MGAT4B: variants seen among roughly 807,000 people sequenced by gnomAD.
MGAT4B encodes the protein N-acetylglucosaminyltransferase IVb.
Under a neutral mutation model 73.9 loss-of-function variants are expected in MGAT4B, and 38 were observed. The observed-to-expected ratio is 0.51, with a 90% CI of 0.40 to 0.67. The LOEUF is 0.67. MGAT4B is among the 30% of genes least tolerant of loss of function. The probability of loss-of-function intolerance (pLI) is 0.00; values close to 1 mark genes in which losing one functional copy is unlikely to be tolerated. For missense variants in MGAT4B, 686 were observed against 735.2 expected (o/e 0.93, Z 0.77); for synonymous variants, 373 against 313.5 (o/e 1.19, Z -2.01).
intron 1 of MGAT4B, chr5:179,805,322 G>A (rs989653250): frequency 7.2e-5 from 11 of 152,308 alleles, no homozygotes; most frequent in African/African-American, 2.4e-4. Flanking sequence ...CCCTGCCAAG[G>A]ACCCAGAATG....
Position 179,806,486 on chromosome 5 carries a change from C to T in MGAT4B, c.97+1G>A. On this transcript the variant is annotated splice_donor_variant, in intron 1 of 14. Transcript: ENST00000292591. LOFTEE classifies it high-confidence loss of function. This position sits in a 1 kb window ranked among gnomAD's most constrained non-coding sequence, Gnocchi z 4.6. ...GCGGGCCGGGCGGGGGTCGCGCTCA[C>T]CTTTCTGGCCGCTGAGTGCCGCGTA... The T allele has an allele frequency of 7.7e-7, 1 of 1,302,502 alleles. No homozygotes were observed. Among genetic ancestry groups the T allele is most frequent in the Non-Finnish European group, 1.0e-6 (1 of 999,414 alleles). 80.7% of individuals were successfully genotyped at this position (1,302,502 alleles called of 1,614,324 possible).
At position 179,799,600 on chromosome 5, in the gene MGAT4B, A is replaced by G; in HGVS notation, c.947T>C (p.Val316Ala). Residue 316 changes from valine to alanine, a missense_variant, in exon 9 of 15, where the codon GTA (valine) becomes GCA (alanine). Val to Ala is a moderately conservative substitution (Grantham distance 64, BLOSUM62 0). Around this residue, in one of 2 missense-constraint regions of MGAT4B, gnomAD observed 449 missense variants for 536.8 expected, o/e 0.84. Coordinates refer to ENST00000292591, the MANE Select transcript of MGAT4B (RefSeq NM_014275.5). The stretch of plus-strand genomic sequence containing the variant: ...CCGGTAGAACATGAGAATGAACTCT[A>G]CAATCAGGCTCAGGTCCAGCGACTT... ...MFKSLDLSLI[V>A]EFILMFYRDK... The G allele has an allele frequency of 6.2e-7, 1 of 1,613,904 alleles. No individual in the cohort carries two copies. The highest frequency in any genetic ancestry group is 8.5e-7 in the Non-Finnish European group (1 of 1,180,028).
intron 1 of MGAT4B, chr5:179,804,968 C>T (rs905325901): frequency 6.6e-6 from 1 of 152,270 alleles, no homozygotes; most frequent in African/African-American, 2.4e-5. Context: ...CTTCTATCCC[C>T]TAGGGGCTGG....
In MGAT4B at chr5:179,801,628, T is replaced by C; in HGVS notation, c.350A>G (p.His117Arg). The change falls in exon 3 of 15, where the codon CAT (histidine) becomes CGT (arginine). Residue 117 changes from histidine to arginine, a missense_variant. Around this residue, in one of 2 missense-constraint regions of MGAT4B, gnomAD observed 237 missense variants for 198.5 expected, o/e 1.19. Transcript: ENST00000292591. This position sits in a 1 kb window ranked among gnomAD's most constrained non-coding sequence, Gnocchi z 4.8. Reference sequence around the variant, plus strand: ...CTTGGCCAGCAGGTGTGGCAGGTGATGGAAGACGGTGGGCAGGTGCAGCAC... The same window carrying C: ...CTTGGCCAGCAGGTGTGGCAGGTGACGGAAGACGGTGGGCAGGTGCAGCAC... ...RHVLHLPTVF[H>R]HLPHLLAKES... The C allele has an allele frequency of 1.9e-6, 3 of 1,605,810 alleles. No homozygotes were observed. The highest frequency in any genetic ancestry group is 2.5e-6 in the Non-Finnish European group (3 of 1,177,874).
At position 179,800,146 on chromosome 5, in the gene MGAT4B, G is replaced by A. The variant is rs111554583; in HGVS notation, c.795+38C>T. 4.4e-4 allele frequency: 704 copies of A among 1,610,298 alleles called. 1 individual carries two copies. The highest frequency in any genetic ancestry group is 3.0e-3 in the Middle Eastern group (18 of 6,046). Reference sequence around the variant, plus strand: ...CAGACCCATCGCAGGGCAGGGCGGCGCAGGGCAGGGCAGGGCAACGCAGGG... The same window carrying A: ...CAGACCCATCGCAGGGCAGGGCGGCACAGGGCAGGGCAGGGCAACGCAGGG... On this transcript the variant is annotated intron_variant, in intron 7 of 14. Transcript: ENST00000292591.
rs551819018 is a variant in MGAT4B at position 179,802,570 on chromosome 5, A to G, written c.98-601T>C. 14 of 994,414 alleles carry G rather than the reference A, an allele frequency of 1.4e-5. No homozygotes were observed. The East Asian group carries it at 1.4e-3, about 102-fold the overall frequency. 61.6% of individuals were successfully genotyped at this position (994,414 alleles called of 1,614,324 possible). A position where few individuals can be genotyped will look rare whatever the true frequency, so the allele number is the denominator to read the frequency against. ...GGGCTGCTCAAGGACAGTCAACAGC[A>G]GCGAGGGGACTAGCTCTGAACGCCC... On this transcript the variant is annotated intron_variant, in intron 1 of 14. Transcript: ENST00000292591.
intron 1 of MGAT4B, chr5:179,803,138 G>A: frequency 1.0e-6 from 1 of 985,558 alleles, no homozygotes; most frequent in Non-Finnish European, 1.2e-6. Flanking sequence ...GAAGAGGAAG[G>A]GGTGGACCTG....
intron 8 of MGAT4B, 141 bp downstream of exon 8, chr5:179,799,813 C>T: frequency 8.1e-6 from 10 of 1,230,888 alleles, no homozygotes; most frequent in Non-Finnish European, 1.2e-5. Flanking sequence ...GCAATGAGAA[C>T]AGGCCAGGTG....
chr5:179,801,994 C>A lies in MGAT4B; in HGVS notation c.98-25G>T. On this transcript the variant is annotated intron_variant, in intron 1 of 14. Coordinates refer to ENST00000292591, the MANE Select transcript of MGAT4B (RefSeq NM_014275.5). The surrounding 1 kb of genome is among the most constrained non-coding windows in gnomAD (Gnocchi z 4.8). ...CCTGCAGGTGGTAGGCAAGCCGTCA[C>A]GAGGGGGCGGTCTAGAGCCACCCTA... is the stretch of plus-strand genomic sequence containing the variant. 6.2e-7 allele frequency: 1 copy of A among 1,613,456 alleles called. No homozygotes were observed. The highest frequency in any genetic ancestry group is 1.1e-5 in the South Asian group (1 of 91,080).
intron 9 of MGAT4B, 52 bp downstream of exon 9, chr5:179,799,454 G>A (rs1756809256): frequency 5.6e-6 from 9 of 1,611,618 alleles, no homozygotes; most frequent in Non-Finnish European, 6.8e-6. Flanking sequence ...TTGGGGTGGA[G>A]GCTGCCTGCC....
intron 8 of MGAT4B, 152 bp downstream of exon 8, chr5:179,799,802 G>C: frequency 8.0e-6 from 10 of 1,249,664 alleles, no homozygotes; most frequent in Non-Finnish European, 1.1e-5. Flanking sequence ...CTGATGCACA[G>C]GCAATGAGAA....
At position 179,800,545 on chromosome 5, in the gene MGAT4B, G is replaced by C. The variant is rs148327471; in HGVS notation, c.658C>G (p.His220Asp). The C allele has an allele frequency of 2.4e-5, 38 of 1,611,846 alleles. No homozygotes were observed. The highest frequency in any genetic ancestry group is 6.7e-5 in the East Asian group (3 of 44,844). ...GLLEVISPSP[H>D]FYPDFSRLRE... ...AGGCGGGAGAAGTCAGGGTAGAAGT[G>C]GGGGGAGGGTGAGATGACCTCCAGG... Residue 220 changes from histidine (H) to aspartate (D), a missense_variant, in exon 6 of 15, where the codon CAC becomes GAC. This residue lies in a region of MGAT4B where 449 missense variants were observed against 536.8 expected (regional missense o/e 0.84). Coordinates refer to ENST00000292591, the MANE Select transcript of MGAT4B (RefSeq NM_014275.5).
Position 179,801,905 on chromosome 5 carries a change from C to T in MGAT4B, c.162G>A (p.Glu54=), listed in dbSNP as rs1175424897. 1 of 1,613,340 alleles carries T rather than the reference C, an allele frequency of 6.2e-7. No individual in the cohort carries two copies. The highest frequency in any genetic ancestry group is 1.1e-5 in the South Asian group (1 of 91,090). Residue 54 remains glutamate (E), a synonymous_variant, in exon 2 of 15, where the codon GAG becomes GAA. Transcript: ENST00000292591. This position sits in a 1 kb window ranked among gnomAD's most constrained non-coding sequence, Gnocchi z 4.8. ...CCTTGGAGCGCTTGAGGCTCTCCTG[C>T]TCAGCTGCGTGCAACCGATCGCGCA... ...LALRDRLHAA[E]QESLKRSKEL...
chr5:179,801,121 A>T lies in MGAT4B; in HGVS notation c.559-168T>A. The T allele has an allele frequency of 8.8e-7, 1 of 1,130,104 alleles. No homozygotes were observed. Among genetic ancestry groups the T allele is most frequent in the South Asian group, 1.5e-5 (1 of 66,376 alleles). 70.0% of individuals were successfully genotyped at this position (1,130,104 alleles called of 1,614,324 possible). A position where few individuals can be genotyped will look rare whatever the true frequency, so the allele number is the denominator to read the frequency against. ...CCAGAGACGGCCCTTTCCCTTTGGG[A>T]CTCGCATGGCCAAGGACTAGGGGGT... On this transcript the variant is annotated intron_variant, in intron 4 of 14. Coordinates refer to ENST00000292591, the MANE Select transcript of MGAT4B (RefSeq NM_014275.5). This position sits in a 1 kb window ranked among gnomAD's most constrained non-coding sequence, Gnocchi z 4.8.
intron 1 of MGAT4B, 179 bp from the exon 2 acceptor site, chr5:179,802,148 C>T: frequency 6.6e-7 from 1 of 1,511,756 alleles, no homozygotes; most frequent in African/African-American, 1.4e-5. Flanking sequence ...GACACTAATG[C>T]TCATGGGGAG....
At chr5:179,802,075 CATT>C (rs1756972093) in intron 1 of MGAT4B, 106 bp from the exon 2 acceptor site, 1 of 1,590,370 alleles carries the variant, frequency 6.3e-7, no homozygotes, top group Non-Finnish European at 8.6e-7. Flanking sequence ...TGCAATAGCT[CATT>C]GACATCTGTT....
chr5:179,802,600 G>A (rs1193540584), intron 1 of MGAT4B: 2 of 989,978 alleles, frequency 2.0e-6, no homozygotes, highest in East Asian at 2.3e-4. Context: ...ACGCCCTGGT[G>A]CCTGTGTCTC....
At position 179,798,998 on chromosome 5, in the gene MGAT4B, A is replaced by G. The variant is rs1756784517; in HGVS notation, c.1273T>C (p.Phe425Leu). ...CCCGCGGCAGGGGTGAAGGCCCAGA[A>G]GAAGTCCTCGCGCAGGTAGGCTTTC... ...LEKAYLREDF[F>L]WAFTPAAGDF... Residue 425 changes from phenylalanine to leucine, a missense_variant, in exon 11 of 15, where the codon TTC becomes CTC. Phe to Leu is a conservative substitution (Grantham distance 22, BLOSUM62 0). Coordinates refer to ENST00000292591, the MANE Select transcript of MGAT4B (RefSeq NM_014275.5). 1 of 1,613,754 alleles carries G rather than the reference A, an allele frequency of 6.2e-7. No individual in the cohort carries two copies. The highest frequency in any genetic ancestry group is 1.3e-5 in the African/African-American group (1 of 74,936).
At position 179,797,839 on chromosome 5, in the gene MGAT4B, C is replaced by T. The variant is rs1466265713; in HGVS notation, c.*206G>A. On this transcript the variant is annotated 3_prime_UTR_variant, in exon 15 of 15. Transcript: ENST00000292591. ...GCCTCAGGCACAGTGTGGGGGCCGC[C>T]TGCCTCCTCCGCGGCCCGGCGGGCG... is the stretch of plus-strand genomic sequence containing the variant. The T allele has an allele frequency of 1.5e-6, 1 of 645,918 alleles. No individual in the cohort carries two copies. Among genetic ancestry groups the T allele is most frequent in the Non-Finnish European group, 2.5e-6 (1 of 393,330 alleles). 40.0% of individuals were successfully genotyped at this position (645,918 alleles called of 1,614,324 possible). A position where few individuals can be genotyped will look rare whatever the true frequency, so the allele number is the denominator to read the frequency against.
Sources: gnomAD v4.1 joint callset for allele counts on GRCh38, gnomAD v4.1.1 for gene constraint, gnomAD v4.1.1 regional missense constraint, Gnocchi (gnomAD v3.1) non-coding constraint, MANE v1.5 for transcripts, NCBI Gene and HGNC (gene_info 2026-07-23, HGNC 2026-07-21) for gene names.